RBFOX1: variants seen among roughly 807,000 people sequenced by gnomAD.
RBFOX1 encodes RNA binding fox-1 homolog 1.
In RBFOX1, 8 loss-of-function variants were observed where a neutral mutation model predicts 57.7. That is an observed-to-expected ratio of 0.14 (90% CI 0.08 to 0.25). RBFOX1 has a LOEUF of 0.25. RBFOX1 is among the 10% of genes least tolerant of loss of function. The probability of loss-of-function intolerance (pLI) is 1.00; values close to 1 mark genes in which losing one functional copy is unlikely to be tolerated. For synonymous variants in RBFOX1, 326 were observed against 222.4 expected, an observed-to-expected ratio of 1.47 and a Z score of -4.15; for missense variants, 611 against 548.5, an observed-to-expected ratio of 1.11 and a Z score of -1.14.
At chr16:6,346,266 G>T (rs965736657) in intron 2 of RBFOX1, among the ~76,000 whole-genome samples, 3 of 152,184 alleles carry the variant, frequency 2.0e-5, no homozygotes, top group Non-Finnish European at 4.4e-5. Context: ...AATAGAAGCG[G>T]CCAGAAGGTA....
chr16:7,474,770 G>A (rs975273152), intron 4 of RBFOX1, among the ~76,000 whole-genome samples: 1 of 152,144 alleles, frequency 6.6e-6, no homozygotes, highest in African/African-American at 2.4e-5. Context: ...AGAATGTCTG[G>A]TGAGGATTAG....
At chr16:7,573,930 A>T (rs1329738574) in intron 5 of RBFOX1, among the ~76,000 whole-genome samples, 1 of 152,148 alleles carries the variant, frequency 6.6e-6, no homozygotes, top group Non-Finnish European at 1.5e-5. Context: ...ATAACTATGA[A>T]TTCCGTAGCC....
At chr16:7,425,318 A>C (rs534616864) in intron 4 of RBFOX1, among the ~76,000 whole-genome samples, 19 of 152,262 alleles carry the variant, frequency 1.2e-4, no homozygotes, top group African/African-American at 2.2e-4. Flanking sequence ...CAAGGGGTCT[A>C]TTTGATGAGT....
chr16:6,230,453 C>T (rs891918103), intron 1 of RBFOX1, among the ~76,000 whole-genome samples: 11 of 152,120 alleles, frequency 7.2e-5, no homozygotes, highest in African/African-American at 2.4e-4. Flanking sequence ...GTCAGACCAC[C>T]GCGTTCTAAA....
At chr16:7,627,077 C>T (rs540350769) in intron 10 of RBFOX1, among the ~76,000 whole-genome samples, 6 of 148,690 alleles carry the variant, frequency 4.0e-5, no homozygotes, top group African/African-American at 1.5e-4. Context: ...GAGAAGAGGT[C>T]ACTTTTAAAC....
At chr16:6,423,613 A>AT (rs1267040139) in intron 2 of RBFOX1, among the ~76,000 whole-genome samples, 1 of 152,192 alleles carries the variant, frequency 6.6e-6, no homozygotes, top group Non-Finnish European at 1.5e-5. Context: ...AAAATAAAAA[A>AT]TAAAAAAAAG....
chr16:7,445,129 G>T (rs1475503900), intron 4 of RBFOX1, among the ~76,000 whole-genome samples: 2 of 152,106 alleles, frequency 1.3e-5, no homozygotes, highest in East Asian at 3.9e-4. Context: ...ATGTGGTACA[G>T]GGTGGGGATA....
rs1166290762 is a variant in RBFOX1, at chr16:7,596,126, GA to G, written c.561+494del. On this transcript the variant is annotated intron_variant, in intron 8 of 15. Coordinates refer to ENST00000550418, the MANE Select transcript of RBFOX1 (RefSeq NM_018723.4). ...TTTGTTTGTTTGTTTGTTTTTTGTG[GA>G]AAAAAAAACAAAAAAAAAAACGAGA... Among the ~76,000 whole-genome samples the G allele has an allele frequency of 3.2e-4, 34 of 106,120 alleles. No homozygotes were observed. The South Asian group carries it at 4.5e-3, about 14-fold the overall frequency. 69.6% of individuals were successfully genotyped at this position (106,120 alleles called of 152,430 possible).
rs993942962 is a variant in RBFOX1 at position 6,983,249 on chromosome 16, C to T, written c.-15-68808C>T. Among the ~76,000 whole-genome samples, 4 of 152,094 alleles carry T rather than the reference C, an allele frequency of 2.6e-5. No individual in the cohort carries two copies. In the East Asian group the frequency reaches 7.7e-4, roughly 29 times the overall value. Reference sequence around the variant, plus strand: ...TATCCTCTTGGTGATGGCAGAGCTACTTGGAATCACTAGTAACTGCATTAG... The same window carrying T: ...TATCCTCTTGGTGATGGCAGAGCTATTTGGAATCACTAGTAACTGCATTAG... On this transcript the variant is annotated intron_variant, in intron 3 of 15. Coordinates refer to ENST00000550418, the MANE Select transcript of RBFOX1 (RefSeq NM_018723.4).
chr16:7,302,932 G>C (rs1243505533), intron 4 of RBFOX1, among the ~76,000 whole-genome samples: 1 of 152,038 alleles, frequency 6.6e-6, no homozygotes, highest in African/African-American at 2.4e-5. Flanking sequence ...GCCAAGGAGG[G>C]CTGGACAGGC....
chr16:6,065,784 A>C (rs996247457), intron 1 of RBFOX1, among the ~76,000 whole-genome samples: 3 of 152,144 alleles, frequency 2.0e-5, no homozygotes, highest in Non-Finnish European at 2.9e-5. Context: ...TCATGGGATG[A>C]ATATCCCCAT....
intron 3 of RBFOX1, among the ~76,000 whole-genome samples, chr16:7,015,844 T>C (rs1436026597): frequency 1.3e-5 from 2 of 152,096 alleles, no homozygotes; most frequent in African/African-American, 4.8e-5. Context: ...CAATAAGCAA[T>C]TGTGAAATAC....
chr16:7,671,589 A>G lies in RBFOX1; in HGVS notation c.931-5185A>G, dbSNP rs1287710352. 5.6e-6 allele frequency: 9 copies of G among 1,612,282 alleles called. No individual in the cohort carries two copies. Among genetic ancestry groups the G allele is most frequent in the Non-Finnish European group, 5.9e-6 (7 of 1,178,530 alleles). On this transcript the variant is annotated intron_variant, in intron 13 of 15. Transcript: ENST00000550418. ...TATCAAGAGCCTGTGTATGGCAATA[A>G]ATTGCTGCAGGTATGAAATCCCGAC...
chr16:6,095,017 A>G (rs908641144), intron 1 of RBFOX1, among the ~76,000 whole-genome samples: 4 of 152,116 alleles, frequency 2.6e-5, no homozygotes, highest in African/African-American at 9.7e-5. Flanking sequence ...TTGAGATGGC[A>G]CCACTGCACT....
intron 2 of RBFOX1, among the ~76,000 whole-genome samples, chr16:5,554,746 A>T (rs77866288): frequency 0.049 from 7,434 of 152,302 alleles, 200 homozygotes; most frequent in East Asian, 0.1. Context: ...GAATTGATCA[A>T]CAAAGAGAAG....
chr16:5,944,964 T>TA (rs386384118), intron 4 of RBFOX1, among the ~76,000 whole-genome samples: 1,144 of 48,032 alleles, frequency 0.024, 68 homozygotes, highest in African/African-American at 0.056. Context: ...GACTCTGTCA[T>TA]AAAAAAAAAA....
At chr16:7,567,479 GTATGGCCCTATATGTATATC>G (rs2092102074) in intron 5 of RBFOX1, among the ~76,000 whole-genome samples, 1 of 19,288 alleles carries the variant, frequency 5.2e-5, no homozygotes, top group Non-Finnish European at 1.2e-4. Flanking sequence ...ATATCCCTAT[GTATGGCCCTATATGTATATC>G]CCTATGTATG....
intron 1 of RBFOX1, among the ~76,000 whole-genome samples, chr16:6,142,115 G>A (rs114294540): frequency 2.2e-4 from 28 of 126,308 alleles, no homozygotes; most frequent in African/African-American, 3.4e-4. Flanking sequence ...CTTACTTCTC[G>A]ATCCCTGATT....
At chr16:6,984,401 C>T (rs1244760423) in intron 3 of RBFOX1, among the ~76,000 whole-genome samples, 2 of 152,134 alleles carry the variant, frequency 1.3e-5, no homozygotes, top group Non-Finnish European at 2.9e-5. Context: ...TGAGCATCCT[C>T]ACCAGCCTAG....
Sources: gnomAD v4.1 joint callset for allele counts (sites outside exome capture counted in the v4.1 genomes callset) on GRCh38, gnomAD v4.1.1 for gene constraint, MANE v1.5 for transcripts, NCBI Gene and HGNC (gene_info 2026-07-23, HGNC 2026-07-21) for gene names.